Variants in LHFPL3 observed in about 807,000 individuals in gnomAD.
LHFPL3 encodes LHFPL tetraspan subfamily member 3, also known as LHFPL tetraspan subfamily member 3 protein.
LHFPL3 carries 5 observed loss-of-function variants against 19.3 expected under a neutral mutation model. The ratio of observed to expected loss-of-function variants is 0.26; its 90% CI spans 0.14 to 0.54. The LOEUF is 0.54. Among genes scored for constraint, LHFPL3 ranks in the 20% least tolerant of loss-of-function variants. The pLI is 0.94. For synonymous variants in LHFPL3, 133 were observed against 126.2 expected, an observed-to-expected ratio of 1.05 and a Z score of -0.36; for missense variants, 249 against 307.4, an observed-to-expected ratio of 0.81 and a Z score of 1.42.
intron 1 of LHFPL3, among the ~76,000 whole-genome samples, chr7:104,568,877 G>T (rs374088677): frequency 6.6e-6 from 1 of 152,130 alleles, no homozygotes; most frequent in Admixed American, 6.5e-5. Flanking sequence ...TCCCATGACT[G>T]GGCTTCTTTG....
chr7:104,822,573 T>TTCAG (rs1491377319), intron 2 of LHFPL3, among the ~76,000 whole-genome samples: 2 of 152,138 alleles, frequency 1.3e-5, no homozygotes, highest in African/African-American at 4.8e-5. Context: ...CCAAAATATC[T>TTCAG]TCAGTCATTG....
At chr7:104,549,301 A>AATATAT (rs35759876) in intron 1 of LHFPL3, among the ~76,000 whole-genome samples, 1 of 149,080 alleles carries the variant, frequency 6.7e-6, no homozygotes, top group African/African-American at 2.4e-5. Context: ...ACAATCTGAG[A>AATATAT]ATATATATAT....
chr7:104,523,808 G>A (rs1283140997), intron 1 of LHFPL3, among the ~76,000 whole-genome samples: 1 of 152,148 alleles, frequency 6.6e-6, no homozygotes, highest in East Asian at 1.9e-4. Flanking sequence ...TAGTAATAGA[G>A]TAACAGTGCC....
intron 1 of LHFPL3, among the ~76,000 whole-genome samples, chr7:104,681,154 C>CTTTTTTTTTTTTT (rs35342944): frequency 8.3e-5 from 11 of 132,628 alleles, no homozygotes; most frequent in East Asian, 2.1e-4. Context: ...TTCTTTTCTT[C>CTTTTTTTTTTTTT]TTTTTTTTTT....
At chr7:104,525,572 C>T (rs542765990) in intron 1 of LHFPL3, among the ~76,000 whole-genome samples, 6 of 150,352 alleles carry the variant, frequency 4.0e-5, no homozygotes, top group Non-Finnish European at 4.4e-5. Context: ...CTCCAGGTTT[C>T]TGTCTTTATC....
chr7:104,737,741 T>G (rs1793856466), intron 2 of LHFPL3, among the ~76,000 whole-genome samples: 1 of 152,230 alleles, frequency 6.6e-6, no homozygotes, highest in Non-Finnish European at 1.5e-5. Flanking sequence ...TATCTTTAAC[T>G]TTAAAACTGT....
At chr7:104,556,517 G>A (rs1378127837) in intron 1 of LHFPL3, among the ~76,000 whole-genome samples, 1 of 152,086 alleles carries the variant, frequency 6.6e-6, no homozygotes, top group Non-Finnish European at 1.5e-5. Context: ...GCTGGGATAC[G>A]GTCAAGTCCC....
intron 1 of LHFPL3, among the ~76,000 whole-genome samples, chr7:104,736,373 T>G (rs1562977034): frequency 2.0e-5 from 3 of 152,140 alleles, no homozygotes; most frequent in Non-Finnish European, 1.5e-5. Flanking sequence ...AAAATTCCAT[T>G]TCTTAATATT....
At position 104,399,330 on chromosome 7, in the gene LHFPL3, G is replaced by C. The variant is rs942829467; in HGVS notation, c.445+70106G>C. 5.3e-5 allele frequency among the ~76,000 whole-genome samples: 8 copies of C among 152,088 alleles called. No homozygotes were observed. Among genetic ancestry groups the C allele is most frequent in the South Asian group, 2.1e-4 (1 of 4,820 alleles). On this transcript the variant is annotated intron_variant, in intron 1 of 2. Coordinates refer to ENST00000424859, the MANE Select transcript of LHFPL3 (RefSeq NM_199000.3). The surrounding 1 kb of genome is among the most constrained non-coding windows in gnomAD (Gnocchi z 4.4). Reference sequence around the variant, plus strand: ...GTTTTACTTTCATTGGGTAAGTTACGATTAAATGTAACTTTACTATTGCTC... The same window carrying C: ...GTTTTACTTTCATTGGGTAAGTTACCATTAAATGTAACTTTACTATTGCTC...
Position 104,607,031 on chromosome 7 carries a change from A to T in LHFPL3, c.446-129644A>T, listed in dbSNP as rs143068331. Among the ~76,000 whole-genome samples the T allele has an allele frequency of 4.1e-4, 63 of 152,354 alleles. No homozygotes were observed. In the East Asian group the frequency reaches 0.012, roughly 29 times the overall value. ...AGCAATTGGCAAGGTCTCAAACCTT[A>T]TGACCACTGACCACGTGACTCCTGA... is the stretch of plus-strand genomic sequence containing the variant. On this transcript the variant is annotated intron_variant, in intron 1 of 2. Transcript: ENST00000424859.
intron 1 of LHFPL3, among the ~76,000 whole-genome samples, chr7:104,672,622 G>A (rs750417602): frequency 4.6e-5 from 7 of 152,154 alleles, no homozygotes; most frequent in East Asian, 1.9e-4. Flanking sequence ...AACACTTAGC[G>A]GGGACTGACA....
chr7:104,634,925 AG>A (rs1300648329), intron 1 of LHFPL3, among the ~76,000 whole-genome samples: 1 of 152,206 alleles, frequency 6.6e-6, no homozygotes, highest in Non-Finnish European at 1.5e-5. Flanking sequence ...AAAACCAAAC[AG>A]GAAAACAGAG....
intron 1 of LHFPL3, among the ~76,000 whole-genome samples, chr7:104,394,516 A>C (rs1791143692): frequency 6.6e-6 from 1 of 152,134 alleles, no homozygotes; most frequent in Non-Finnish European, 1.5e-5. Context: ...AGCATGTTTT[A>C]TTTATTTTAG....
intron 1 of LHFPL3, among the ~76,000 whole-genome samples, chr7:104,402,575 T>A (rs1301104423): frequency 2.0e-5 from 3 of 152,226 alleles, no homozygotes; most frequent in African/African-American, 7.2e-5. Flanking sequence ...CTTATGCTAC[T>A]TCCCATTACA....
At chr7:104,796,119 G>T (rs1790120904) in intron 2 of LHFPL3, among the ~76,000 whole-genome samples, 1 of 152,200 alleles carries the variant, frequency 6.6e-6, no homozygotes, top group Non-Finnish European at 1.5e-5. Context: ...AAATCAGCTT[G>T]CTGAGGCCTC....
At chr7:104,822,778 A>C (rs751175309) in intron 2 of LHFPL3, among the ~76,000 whole-genome samples, 4 of 152,186 alleles carry the variant, frequency 2.6e-5, no homozygotes, top group Non-Finnish European at 5.9e-5. Flanking sequence ...GCAAGGGGCA[A>C]ACACAGGGAG....
At chr7:104,873,571 C>G (rs76438688) in intron 2 of LHFPL3, among the ~76,000 whole-genome samples, 1 of 152,028 alleles carries the variant, frequency 6.6e-6, no homozygotes, top group Non-Finnish European at 1.5e-5. Context: ...GAGGTTACAG[C>G]GAGCTACGAT....
intron 1 of LHFPL3, among the ~76,000 whole-genome samples, chr7:104,487,929 TG>T (rs1468871300): frequency 6.6e-6 from 1 of 152,160 alleles, no homozygotes; most frequent in African/African-American, 2.4e-5. Flanking sequence ...TTCACAAACT[TG>T]GGGCTCTCTT....
At chr7:104,591,006 T>C (rs1041543589) in intron 1 of LHFPL3, among the ~76,000 whole-genome samples, 1 of 152,170 alleles carries the variant, frequency 6.6e-6, no homozygotes, top group African/African-American at 2.4e-5. Context: ...CTTGTGTGTG[T>C]CTCTGCACAT....
Sources: gnomAD v4.1 joint callset for allele counts (sites outside exome capture counted in the v4.1 genomes callset) on GRCh38, gnomAD v4.1.1 for gene constraint, Gnocchi (gnomAD v3.1) non-coding constraint, MANE v1.5 for transcripts, NCBI Gene and HGNC (gene_info 2026-07-23, HGNC 2026-07-21) for gene names.